The following OPCML variants were observed in gnomAD, a reference collection of about 807,000 sequenced individuals.
OPCML encodes opioid binding protein/cell adhesion molecule like, also known as opioid-binding protein/cell adhesion molecule.
Under a neutral mutation model 37.8 loss-of-function variants are expected in OPCML, and 13 were observed. That is an observed-to-expected ratio of 0.34 (90% CI 0.22 to 0.55). OPCML has a LOEUF of 0.55. Among genes scored for constraint, OPCML ranks in the 20% least tolerant of loss-of-function variants. OPCML has a pLI of 0.91. For missense variants in OPCML, 341 were observed against 435.6 expected, an observed-to-expected ratio of 0.78 and a Z score of 1.93; for synonymous variants, 176 against 168.8, an observed-to-expected ratio of 1.04 and a Z score of -0.33.
At chr11:133,226,599 C>A (rs1191153240) in intron 1 of OPCML, among the ~76,000 whole-genome samples, 4 of 152,194 alleles carry the variant, frequency 2.6e-5, no homozygotes, top group Non-Finnish European at 4.4e-5. Context: ...AATAATGTAT[C>A]TAGATTAATC....
intron 1 of OPCML, among the ~76,000 whole-genome samples, chr11:133,525,974 T>C (rs1332839716): frequency 6.6e-6 from 1 of 152,244 alleles, no homozygotes; most frequent in Non-Finnish European, 1.5e-5. Flanking sequence ...CCTTTGCACT[T>C]ACCCAGCACA....
At chr11:132,704,493 A>G (rs1263454867) in intron 2 of OPCML, among the ~76,000 whole-genome samples, 2 of 152,204 alleles carry the variant, frequency 1.3e-5, no homozygotes, top group Non-Finnish European at 2.9e-5. Flanking sequence ...GGCACTCCCA[A>G]AAAATGCCTT....
intron 1 of OPCML, among the ~76,000 whole-genome samples, chr11:133,103,081 C>T (rs1303006809): frequency 6.6e-6 from 1 of 152,186 alleles, no homozygotes; most frequent in Non-Finnish European, 1.5e-5. Context: ...ATCAATTTTA[C>T]ATCAAAAATT....
Position 133,173,480 on chromosome 11 carries a change from C to A in OPCML, c.62-230470G>T, listed in dbSNP as rs1950315756. 6.6e-6 allele frequency among the ~76,000 whole-genome samples: 1 copy of A among 152,136 alleles called. No homozygotes were observed. Among genetic ancestry groups the A allele is most frequent in the African/African-American group, 2.4e-5 (1 of 41,420 alleles). ...AGCAACCACTAGCCACAGATGGATT[C>A]CTAGAATCTACAGCAGAGTGTCCCC... On this transcript the variant is annotated intron_variant, in intron 1 of 7. Transcript: ENST00000524381. The surrounding 1 kb of genome is among the most constrained non-coding windows in gnomAD (Gnocchi z 7.8).
At chr11:133,346,914 T>C (rs1944015853) in intron 1 of OPCML, among the ~76,000 whole-genome samples, 1 of 152,188 alleles carries the variant, frequency 6.6e-6, no homozygotes, top group Admixed American at 6.5e-5. Context: ...GGATCTTCTA[T>C]AGTTCATTAT....
intron 2 of OPCML, among the ~76,000 whole-genome samples, chr11:132,804,376 G>C (rs1006546355): frequency 7.9e-5 from 12 of 152,148 alleles, no homozygotes; most frequent in African/African-American, 2.9e-4. Context: ...CTAGAGAGGA[G>C]GCAACTGTGA....
At chr11:133,215,486 G>T (rs1236728705) in intron 1 of OPCML, among the ~76,000 whole-genome samples, 1 of 152,144 alleles carries the variant, frequency 6.6e-6, no homozygotes, top group African/African-American at 2.4e-5. Context: ...ACTGATACCA[G>T]TTCGAATCCC....
chr11:132,936,315 G>C (rs78276465), intron 2 of OPCML, among the ~76,000 whole-genome samples: 3 of 152,134 alleles, frequency 2.0e-5, no homozygotes, highest in African/African-American at 7.2e-5. Context: ...GAAGCATAAA[G>C]GTCTTCTAGG....
chr11:132,782,917 G>GTA (rs59984496), intron 2 of OPCML, among the ~76,000 whole-genome samples: 43,087 of 124,556 alleles, frequency 0.35, 7,388 homozygotes, highest in Admixed American at 0.45. Flanking sequence ...TATAGTGTGT[G>GTA]TATATATATA....
chr11:133,330,235 G>C (rs534124523), intron 1 of OPCML, among the ~76,000 whole-genome samples: 92 of 152,286 alleles, frequency 6.0e-4, no homozygotes, highest in African/African-American at 2.1e-3. Context: ...TACACTGTTG[G>C]TGGGACTGTA....
chr11:132,895,670 T>A (rs1480169650), intron 2 of OPCML, among the ~76,000 whole-genome samples: 1 of 152,170 alleles, frequency 6.6e-6, no homozygotes, highest in African/African-American at 2.4e-5. Context: ...CTAGCAGAAG[T>A]GGTTCCCACC....
intron 2 of OPCML, among the ~76,000 whole-genome samples, chr11:132,793,678 C>T (rs1338026465): frequency 6.6e-6 from 1 of 152,154 alleles, no homozygotes. Flanking sequence ...AGGGTATGTG[C>T]AATTGTCAGC....
chr11:133,462,911 G>T (rs2136988836), intron 1 of OPCML, among the ~76,000 whole-genome samples: 1 of 152,170 alleles, frequency 6.6e-6, no homozygotes, highest in East Asian at 1.9e-4. Flanking sequence ...CATTACAATA[G>T]CCAAAAGGTG....
At chr11:133,123,605 G>T (rs182140091) in intron 1 of OPCML, among the ~76,000 whole-genome samples, 1 of 152,024 alleles carries the variant, frequency 6.6e-6, no homozygotes, top group South Asian at 2.1e-4. Context: ...TGGTCAGCCC[G>T]GCATGCTTGG....
At chr11:133,508,641 CCAATCACTT>C (rs1948089964) in intron 1 of OPCML, among the ~76,000 whole-genome samples, 1 of 152,184 alleles carries the variant, frequency 6.6e-6, no homozygotes, top group African/African-American at 2.4e-5. Flanking sequence ...CCCGAGCCTC[CCAATCACTT>C]GGAGGAGTGG....
At position 132,743,414 on chromosome 11, in the gene OPCML, C is replaced by G. The variant is rs375053182; in HGVS notation, c.147-86095G>C. ...CCAATGTCAATATTTTCACACCTCC[C>G]TCAGAAACCCTCCAGGAAGGAAGGA... is the stretch of plus-strand genomic sequence containing the variant. On this transcript the variant is annotated intron_variant, in intron 2 of 7. Coordinates refer to ENST00000524381, the MANE Select transcript of OPCML (RefSeq NM_001012393.5). Among the ~76,000 whole-genome samples, 37 of 152,250 alleles carry G rather than the reference C, an allele frequency of 2.4e-4. No individual in the cohort carries two copies. The South Asian group carries it at 7.3e-3, about 30-fold the overall frequency.
intron 1 of OPCML, among the ~76,000 whole-genome samples, chr11:133,462,882 C>T (rs151311505): frequency 6.6e-6 from 1 of 152,154 alleles, no homozygotes; most frequent in African/African-American, 2.4e-5. Context: ...ATTTATGTGG[C>T]CATGTTTATA....
In OPCML at chr11:133,140,763, C is replaced by A. The variant is rs145112566; in HGVS notation, c.62-197753G>T. ...ACGACGACGAGGAAGAAGAAGACGA[C>A]GAAGAAGAAGAAGAAGAAGACGACG... On this transcript the variant is annotated intron_variant, in intron 1 of 7. Transcript: ENST00000524381. Among the ~76,000 whole-genome samples the A allele has an allele frequency of 1.3e-3, 62 of 48,908 alleles. 1 individual carries two copies. The highest frequency in any genetic ancestry group is 1.6e-3 in the Non-Finnish European group (27 of 17,224). The allele number at this position is 48,908 out of a possible 152,430, so 32.1% of individuals were successfully genotyped here. A position where few individuals can be genotyped will look rare whatever the true frequency, so the allele number is the denominator to read the frequency against.
intron 4 of OPCML, among the ~76,000 whole-genome samples, chr11:132,459,169 G>C (rs984422473): frequency 1.3e-5 from 2 of 152,072 alleles, no homozygotes; most frequent in Non-Finnish European, 2.9e-5. Context: ...ACAGGAACCC[G>C]CTCCTGCCCT....
Sources: gnomAD v4.1 joint callset for allele counts (sites outside exome capture counted in the v4.1 genomes callset) on GRCh38, gnomAD v4.1.1 for gene constraint, Gnocchi (gnomAD v3.1) non-coding constraint, MANE v1.5 for transcripts, NCBI Gene and HGNC (gene_info 2026-07-23, HGNC 2026-07-21) for gene names.